The following TPO variants were observed in gnomAD, a reference collection of about 807,000 sequenced individuals.
The protein encoded by TPO is thyroid microsomal antigen.
In TPO, 78 loss-of-function variants were observed where a neutral mutation model predicts 96.9. That is an observed-to-expected ratio of 0.81 (90% CI 0.67 to 0.97). The LOEUF (loss-of-function observed/expected upper bound fraction) is 0.97, where lower values mean the gene tolerates loss of function less well. TPO is among the 50% of genes least tolerant of loss of function. The probability of loss-of-function intolerance (pLI) is 0.00; values close to 1 mark genes in which losing one functional copy is unlikely to be tolerated. For synonymous variants in TPO, 547 were observed against 538.0 expected (o/e 1.02, Z -0.23); for missense variants, 1,252 against 1,274.8 (o/e 0.98, Z 0.27).
Position 1,438,831 on chromosome 2 carries a change from G to C in TPO, c.482+2447G>C, listed in dbSNP as rs763675855. 2.2e-4 allele frequency: 158 copies of C among 710,188 alleles called. 1 individual carries two copies. The South Asian group carries it at 2.2e-3, about 10-fold the overall frequency. 44.0% of individuals were successfully genotyped at this position (710,188 alleles called of 1,614,324 possible). ...TGGATTAAAGAAAAATGAAATATAA[G>C]CCCGACCATTCCGAAACTGCCAACT... is the stretch of plus-strand genomic sequence containing the variant. On this transcript the variant is annotated intron_variant, in intron 5 of 16. Transcript: ENST00000329066.
chr2:1,507,739 C>T (rs1673630224), intron 14 of TPO, among the ~76,000 whole-genome samples: 1 of 151,872 alleles, frequency 6.6e-6, no homozygotes, highest in African/African-American at 2.4e-5. Flanking sequence ...GATTTTGTAT[C>T]CTGAGACTTT....
chr2:1,515,587 G>A (rs1447678619), intron 14 of TPO, among the ~76,000 whole-genome samples: 1 of 152,132 alleles, frequency 6.6e-6, no homozygotes, highest in East Asian at 1.9e-4. Flanking sequence ...AGACAGCCAC[G>A]GACACCACCT....
At chr2:1,480,528 C>T (rs1341484084) in intron 8 of TPO, among the ~76,000 whole-genome samples, 1 of 139,668 alleles carries the variant, frequency 7.2e-6, no homozygotes, top group African/African-American at 2.7e-5. Flanking sequence ...AGAGAAATAG[C>T]ATCCCCCCCT....
chr2:1,451,688 C>G (rs562304378), intron 5 of TPO, among the ~76,000 whole-genome samples: 1 of 152,170 alleles, frequency 6.6e-6, no homozygotes, highest in Non-Finnish European at 1.5e-5. Flanking sequence ...TGTTCCCACA[C>G]GGGCGTGACT....
Position 1,419,357 on chromosome 2 carries a change from G to A in TPO, c.95-3688G>A, listed in dbSNP as rs562155606. ...TGCTGGGAACTGAGGAAGGAAGGGCGCTGCAGAGCTAACGATAGCAAGGGG... is the reference window on the plus strand; with the variant it reads ...TGCTGGGAACTGAGGAAGGAAGGGCACTGCAGAGCTAACGATAGCAAGGGG... On this transcript the variant is annotated intron_variant, in intron 2 of 16. Coordinates refer to ENST00000329066, the MANE Select transcript of TPO (RefSeq NM_001206744.2). Among the ~76,000 whole-genome samples, 37 of 152,266 alleles carry A rather than the reference G, an allele frequency of 2.4e-4. 1 individual carries two copies. In the South Asian group the frequency reaches 6.8e-3, roughly 28 times the overall value.
At chr2:1,533,196 TCTCCCC>T (rs1678744723) in intron 15 of TPO, among the ~76,000 whole-genome samples, 1 of 14,132 alleles carries the variant, frequency 7.1e-5, no homozygotes, top group Admixed American at 1.2e-3. Context: ...CTGTGTGCAA[TCTCCCC>T]ATATCCCCCC....
chr2:1,522,366 G>T (rs375665547), intron 15 of TPO, among the ~76,000 whole-genome samples: 314 of 28,080 alleles, frequency 0.011, 2 homozygotes, highest in Middle Eastern at 0.024. Flanking sequence ...ACCCCACACC[G>T]GCCCGCCACC....
At chr2:1,376,182 G>A (rs183179646) in intron 1 of TPO, among the ~76,000 whole-genome samples, 80 of 152,206 alleles carry the variant, frequency 5.3e-4, no homozygotes, top group African/African-American at 1.9e-3. Context: ...TATAAAACCC[G>A]CCATCACTGC....
chr2:1,496,447 C>A, intron 12 of TPO, 148 bp from the exon 13 acceptor site: 2 of 1,172,844 alleles, frequency 1.7e-6, no homozygotes, highest in Non-Finnish European at 2.4e-6. Flanking sequence ...GTGTGTGCTG[C>A]GTGGGTGCTC....
chr2:1,540,362 C>T (rs968695812), intron 15 of TPO, among the ~76,000 whole-genome samples: 1 of 152,184 alleles, frequency 6.6e-6, no homozygotes, highest in Non-Finnish European at 1.5e-5. Flanking sequence ...GAGACAGGGT[C>T]CTCTTGGCTG....
chr2:1,456,423 T>A, intron 7 of TPO, 141 bp downstream of exon 7: 1 of 885,440 alleles, frequency 1.1e-6, no homozygotes, highest in Non-Finnish European at 1.8e-6. Context: ...ATCTGGTGCA[T>A]CTCACTGGAA....
intron 5 of TPO, among the ~76,000 whole-genome samples, chr2:1,438,032 G>A (rs1417889111): frequency 1.3e-5 from 2 of 152,104 alleles, no homozygotes; most frequent in South Asian, 2.1e-4. Context: ...AGGGGATGGG[G>A]CTGGAGGGCC....
chr2:1,538,354 G>A (rs990882875), intron 15 of TPO, among the ~76,000 whole-genome samples: 1 of 152,158 alleles, frequency 6.6e-6, no homozygotes, highest in Admixed American at 6.5e-5. Context: ...TTTCTAAAGT[G>A]TTCATGAAGA....
chr2:1,446,117 G>T (rs1666787612), intron 5 of TPO, among the ~76,000 whole-genome samples: 1 of 152,166 alleles, frequency 6.6e-6, no homozygotes, highest in South Asian at 2.1e-4. Flanking sequence ...ACCCCCAGAT[G>T]AGAAGCCCCC....
intron 7 of TPO, among the ~76,000 whole-genome samples, chr2:1,457,545 C>T (rs11673992): frequency 2.6e-5 from 2 of 77,650 alleles, no homozygotes; most frequent in South Asian, 9.9e-4. Flanking sequence ...CATGTATGAT[C>T]GTGTGTGGGC....
intron 16 of TPO, chr2:1,541,004 G>A (rs909340619): frequency 1.4e-5 from 20 of 1,398,796 alleles, no homozygotes; most frequent in Non-Finnish European, 1.9e-5. Context: ...TTAATCTGAG[G>A]ATCGGCTGGA....
chr2:1,423,105 CCGCCATGTA>C lies in TPO; in HGVS notation c.161_169del (p.Met54_Ala56del). 1 of 1,614,084 alleles carries C rather than the reference CCGCCATGTA, an allele frequency of 6.2e-7. No individual in the cohort carries two copies. The highest frequency in any genetic ancestry group is 8.5e-7 in the Non-Finnish European group (1 of 1,180,048). On this transcript the variant is annotated inframe_deletion, in exon 3 of 17. Transcript: ENST00000329066. ...GAGGAAAGCAAGCGCCTGGTGGACA[CCGCCATGTA>C]CGCCACGATGCAGAGGTGAGCCTTG...
chr2:1,476,925 G>C (rs963750264), intron 7 of TPO, among the ~76,000 whole-genome samples, 161 bp from the exon 8 acceptor site: 1 of 150,820 alleles, frequency 6.6e-6, no homozygotes, highest in Non-Finnish European at 1.5e-5. Flanking sequence ...TAAGCAGGCC[G>C]GGGGGGGAGG....
At chr2:1,409,766 A>C (rs997138257), upstream of TPO, among the ~76,000 whole-genome samples, 13 of 148,632 alleles carry the variant, frequency 8.7e-5, no homozygotes, top group African/African-American at 2.8e-4. Context: ...ATAAACTTAC[A>C]AATTTAAAAA....
Sources: allele counts gnomAD v4.1 joint callset (sites outside exome capture counted in the v4.1 genomes callset), GRCh38; gene constraint gnomAD v4.1.1; transcripts MANE v1.5; gene names NCBI Gene and HGNC (gene_info 2026-07-23, HGNC 2026-07-21).